Variants in RGS7 observed in about 807,000 individuals in gnomAD.
RGS7 encodes regulator of G protein signaling 7, also known as regulator of G-protein signaling 7.
RGS7 carries 27 observed loss-of-function variants against 81.1 expected under a neutral mutation model. The ratio of observed to expected loss-of-function variants is 0.33; its 90% confidence interval spans 0.25 to 0.46. The LOEUF is 0.46. RGS7 is among the 20% of genes least tolerant of loss of function. RGS7 has a pLI of 1.00. For missense variants in RGS7, 396 were observed against 607.4 expected (o/e 0.65, Z 3.66); for synonymous variants, 208 against 207.7 (o/e 1.00, Z -0.01).
chr1:240,874,990 T>C (rs1460496124), intron 6 of RGS7, among the ~76,000 whole-genome samples: 1 of 151,928 alleles, frequency 6.6e-6, no homozygotes, highest in Non-Finnish European at 1.5e-5. Flanking sequence ...TGCAGTGAGC[T>C]GAGATCCCAC....
intron 2 of RGS7, among the ~76,000 whole-genome samples, chr1:241,342,680 C>T (rs2082634293): frequency 6.6e-6 from 1 of 152,198 alleles, no homozygotes; most frequent in South Asian, 2.1e-4. Context: ...TAGGCCAAAG[C>T]CCTTCCTAAA....
intron 2 of RGS7, among the ~76,000 whole-genome samples, chr1:241,151,829 T>C (rs75769266): frequency 0.011 from 1,715 of 152,240 alleles, 40 homozygotes; most frequent in East Asian, 0.06. Flanking sequence ...AATTCCTCTT[T>C]AATTAATGTT....
At chr1:240,871,322 C>G (rs1259960992) in intron 6 of RGS7, among the ~76,000 whole-genome samples, 1 of 152,184 alleles carries the variant, frequency 6.6e-6, no homozygotes, top group Non-Finnish European at 1.5e-5. Flanking sequence ...TTGCACTACA[C>G]TTACCACCCC....
At chr1:241,100,916 A>G (rs12086317) in intron 2 of RGS7, among the ~76,000 whole-genome samples, 22,041 of 152,140 alleles carry the variant, frequency 0.14, 1,726 homozygotes, top group African/African-American at 0.19. Flanking sequence ...AATTTACTCC[A>G]GGGGAGCTGA....
chr1:241,025,291 A>G (rs559992874), intron 3 of RGS7, among the ~76,000 whole-genome samples: 13 of 152,332 alleles, frequency 8.5e-5, no homozygotes, highest in African/African-American at 2.9e-4. Context: ...TGGTAATTAG[A>G]TAGTGCTATC....
intron 2 of RGS7, among the ~76,000 whole-genome samples, chr1:241,263,558 C>T (rs1212138069): frequency 2.0e-5 from 3 of 152,120 alleles, no homozygotes; most frequent in Non-Finnish European, 4.4e-5. Context: ...CATTATTCAG[C>T]AGGCATTTAT....
chr1:240,925,161 C>T (rs1674226625), intron 6 of RGS7, among the ~76,000 whole-genome samples: 1 of 151,808 alleles, frequency 6.6e-6, no homozygotes, highest in South Asian at 2.1e-4. Flanking sequence ...GGTACATGTG[C>T]AGGTTTGTTA....
chr1:240,819,292 T>G (rs1294256844), intron 10 of RGS7, among the ~76,000 whole-genome samples: 1 of 152,132 alleles, frequency 6.6e-6, no homozygotes, highest in African/African-American at 2.4e-5. Context: ...TAACAGTAAG[T>G]TTTTAGGCGA....
chr1:240,817,269 A>G (rs61832421), intron 10 of RGS7, among the ~76,000 whole-genome samples: 17,221 of 152,242 alleles, frequency 0.11, 1,194 homozygotes, highest in Non-Finnish European at 0.15. Context: ...AAAGAATTTA[A>G]TGTGTGTTAT....
intron 3 of RGS7, among the ~76,000 whole-genome samples, chr1:241,044,585 C>A (rs907339224): frequency 1.3e-5 from 2 of 151,680 alleles, no homozygotes; most frequent in African/African-American, 4.9e-5. Context: ...CCATGCTCAG[C>A]TAATTTTAAA....
At chr1:241,091,798 G>A (rs1238861618) in intron 3 of RGS7, among the ~76,000 whole-genome samples, 1 of 151,950 alleles carries the variant, frequency 6.6e-6, no homozygotes, top group Non-Finnish European at 1.5e-5. Flanking sequence ...AAGGCAGGAA[G>A]ATTGCTTGAG....
In RGS7 at chr1:241,164,818, G is replaced by T. The variant is rs1378177144; in HGVS notation, c.79-66056C>A. 6.6e-6 allele frequency among the ~76,000 whole-genome samples: 1 copy of T among 151,596 alleles called. No individual in the cohort carries two copies. Among genetic ancestry groups the T allele is most frequent in the Non-Finnish European group, 1.5e-5 (1 of 67,680 alleles). ...CAGATCAATACATTCTAATACCGAG[G>T]CAACTTTTTTCTCAGTAATCTAAAT... is the stretch of plus-strand genomic sequence containing the variant. On this transcript the variant is annotated intron_variant, in intron 2 of 18. Coordinates refer to ENST00000440928, the MANE Select transcript of RGS7 (RefSeq NM_001364886.1). The surrounding 1 kb of genome is among the most constrained non-coding windows in gnomAD (Gnocchi z 4.1).
intron 2 of RGS7, among the ~76,000 whole-genome samples, chr1:241,118,492 A>G (rs555578737): frequency 6.6e-6 from 1 of 152,312 alleles, no homozygotes; most frequent in African/African-American, 2.4e-5. Context: ...ATATTTACCA[A>G]TTTTGACTAA....
chr1:241,018,945 T>A (rs980652586), intron 3 of RGS7, among the ~76,000 whole-genome samples: 2 of 152,184 alleles, frequency 1.3e-5, no homozygotes, highest in Non-Finnish European at 2.9e-5. Flanking sequence ...GAAAATTTAT[T>A]CCCCTGGGGA....
At chr1:240,790,350 A>G (rs1033259540) in intron 18 of RGS7, among the ~76,000 whole-genome samples, 1 of 152,156 alleles carries the variant, frequency 6.6e-6, no homozygotes, top group Non-Finnish European at 1.5e-5. Flanking sequence ...GACCAGATCT[A>G]TTTTGTTGCC....
intron 2 of RGS7, among the ~76,000 whole-genome samples, chr1:241,191,839 G>A (rs916278201): frequency 5.3e-5 from 8 of 152,136 alleles, no homozygotes; most frequent in Non-Finnish European, 1.0e-4. Context: ...TTTGGAATTG[G>A]CCTGCTTCAT....
chr1:240,874,490 T>G (rs190786420), intron 6 of RGS7, among the ~76,000 whole-genome samples: 1 of 152,196 alleles, frequency 6.6e-6, no homozygotes, highest in Non-Finnish European at 1.5e-5. Context: ...GATGGAGATT[T>G]TGAATTTTAT....
intron 2 of RGS7, among the ~76,000 whole-genome samples, chr1:241,267,111 C>A (rs1033009216): frequency 6.6e-6 from 1 of 152,142 alleles, no homozygotes; most frequent in Admixed American, 6.5e-5. Context: ...TCAGATGTGC[C>A]GTGAGATTGG....
chr1:241,000,973 T>C (rs776383566), intron 3 of RGS7, among the ~76,000 whole-genome samples: 3 of 152,078 alleles, frequency 2.0e-5, no homozygotes, highest in Non-Finnish European at 4.4e-5. Context: ...TCATTTTCAC[T>C]AGCTACACTT....
Sources: allele counts gnomAD v4.1 joint callset (sites outside exome capture counted in the v4.1 genomes callset), GRCh38; gene constraint gnomAD v4.1.1; non-coding constraint Gnocchi (gnomAD v3.1); transcripts MANE v1.5; gene names NCBI Gene and HGNC (gene_info 2026-07-23, HGNC 2026-07-21).